PLEKHA7: variants seen among roughly 807,000 people sequenced by gnomAD.
The protein encoded by PLEKHA7 is pleckstrin homology domain-containing family A member 7.
In PLEKHA7, 104 loss-of-function variants were observed where a neutral mutation model predicts 170.0. The observed-to-expected ratio is 0.61, with a 90% CI of 0.52 to 0.72. PLEKHA7 has a LOEUF of 0.72. Ranked by LOEUF, PLEKHA7 falls within the 30% of genes least tolerant of loss-of-function variation. PLEKHA7 has a pLI of 0.00. For synonymous variants in PLEKHA7, 648 were observed against 660.8 expected (o/e 0.98, Z 0.30); for missense variants, 1,615 against 1,671.7 (o/e 0.97, Z 0.59).
Position 16,786,101 on chromosome 11 carries a change from C to T in PLEKHA7, c.3516+128G>A, listed in dbSNP as rs1451095074. Reference sequence around the variant, plus strand: ...TGCCTTAAGCTGCTATCCATCCATCCTCCTAGGCCACACTGAAGCTGAGCC... The same window carrying T: ...TGCCTTAAGCTGCTATCCATCCATCTTCCTAGGCCACACTGAAGCTGAGCC... On this transcript the variant is annotated intron_variant, in intron 24 of 26. Coordinates refer to ENST00000531066, the MANE Select transcript of PLEKHA7 (RefSeq NM_001329630.2). The T allele has an allele frequency of 1.3e-5, 14 of 1,115,196 alleles. No homozygotes were observed. The South Asian group carries it at 2.1e-4, about 17-fold the overall frequency. 69.1% of individuals were successfully genotyped at this position (1,115,196 alleles called of 1,614,324 possible).
At chr11:17,002,225 C>A (rs61881292) in intron 3 of PLEKHA7, among the ~76,000 whole-genome samples, 2,053 of 152,250 alleles carry the variant, frequency 0.013, 29 homozygotes, top group Non-Finnish European at 0.019. Flanking sequence ...TGAGGGATAA[C>A]CCTAGAGGGA....
intron 13 of PLEKHA7, among the ~76,000 whole-genome samples, chr11:16,806,897 C>A (rs1412390462): frequency 1.3e-5 from 2 of 152,252 alleles, no homozygotes; most frequent in Non-Finnish European, 2.9e-5. Flanking sequence ...TGGTGGCAAG[C>A]CAGGCAAGCT....
At chr11:16,909,866 T>C (rs1408778253) in intron 3 of PLEKHA7, among the ~76,000 whole-genome samples, 2 of 152,198 alleles carry the variant, frequency 1.3e-5, no homozygotes, top group Non-Finnish European at 2.9e-5. Flanking sequence ...CTTTTTATAA[T>C]AGATCTGACA....
chr11:16,819,051 C>T (rs921553169), intron 10 of PLEKHA7, among the ~76,000 whole-genome samples: 1 of 151,750 alleles, frequency 6.6e-6, no homozygotes, highest in African/African-American at 2.4e-5. Context: ...GATCTGACCG[C>T]CTCGGCCTCC....
At chr11:16,974,940 T>C in intron 3 of PLEKHA7, 1 of 764,582 alleles carries the variant, frequency 1.3e-6, no homozygotes, top group Non-Finnish European at 1.6e-6. Context: ...CTTCTTGTAC[T>C]GTGTCACTTT....
intron 3 of PLEKHA7, among the ~76,000 whole-genome samples, chr11:16,945,832 A>T (rs750435076): frequency 2.0e-5 from 3 of 152,214 alleles, no homozygotes; most frequent in Non-Finnish European, 4.4e-5. Context: ...GGGCCCAAGA[A>T]GTGGGCCCGC....
chr11:16,818,916 G>A (rs1480783549), intron 10 of PLEKHA7, among the ~76,000 whole-genome samples: 1 of 151,300 alleles, frequency 6.6e-6, no homozygotes, highest in Non-Finnish European at 1.5e-5. Context: ...TGATTCTCCT[G>A]CCTCAGCCTC....
At chr11:16,870,616 C>A (rs558221218) in intron 4 of PLEKHA7, among the ~76,000 whole-genome samples, 50 of 146,258 alleles carry the variant, frequency 3.4e-4, no homozygotes, top group Admixed American at 2.8e-3. Flanking sequence ...GGTGACAAAG[C>A]CTGGGTGACA....
chr11:17,003,267 A>G (rs112859763), intron 3 of PLEKHA7, among the ~76,000 whole-genome samples: 1 of 152,304 alleles, frequency 6.6e-6, no homozygotes, highest in East Asian at 1.9e-4. Context: ...CTGGGATTAC[A>G]CATGTGAGCC....
intron 3 of PLEKHA7, among the ~76,000 whole-genome samples, chr11:16,889,400 C>CAAAAAAAAAAAAA (rs869268116): frequency 3.8e-5 from 2 of 52,730 alleles, no homozygotes; most frequent in African/African-American, 5.8e-5. Flanking sequence ...CTTTATTGCT[C>CAAAAAAAAAAAAA]AAAAAAAAAA....
intron 3 of PLEKHA7, among the ~76,000 whole-genome samples, chr11:16,943,664 G>C (rs1860835929): frequency 6.6e-6 from 1 of 152,190 alleles, no homozygotes. Flanking sequence ...ATAAATAAGA[G>C]TATTGATAAT....
At chr11:16,834,514 T>C (rs1848949042) in intron 9 of PLEKHA7, among the ~76,000 whole-genome samples, 1 of 152,146 alleles carries the variant, frequency 6.6e-6, no homozygotes, top group African/African-American at 2.4e-5. Context: ...GTGACTCTAC[T>C]ACAAGTTTCT....
intron 3 of PLEKHA7, among the ~76,000 whole-genome samples, chr11:16,933,672 T>G (rs1240842052): frequency 1.3e-5 from 2 of 152,210 alleles, no homozygotes; most frequent in African/African-American, 4.8e-5. Flanking sequence ...GACATGTTAG[T>G]TTGACATGTT....
chr11:16,837,852 C>T (rs747782915), intron 9 of PLEKHA7, among the ~76,000 whole-genome samples: 1 of 152,102 alleles, frequency 6.6e-6, no homozygotes, highest in South Asian at 2.1e-4. Flanking sequence ...TGAAAGTCCA[C>T]GATGGGGAGG....
At chr11:16,937,136 G>A (rs1159685937) in intron 3 of PLEKHA7, among the ~76,000 whole-genome samples, 1 of 152,158 alleles carries the variant, frequency 6.6e-6, no homozygotes, top group Non-Finnish European at 1.5e-5. Flanking sequence ...AATGAGCTTG[G>A]AGATGGCCAC....
At position 17,014,111 on chromosome 11, in the gene PLEKHA7, G is replaced by A. The variant is rs558230599; in HGVS notation, c.163+14C>T. On this transcript the variant is annotated intron_variant, in intron 2 of 26. Coordinates refer to ENST00000531066, the MANE Select transcript of PLEKHA7 (RefSeq NM_001329630.2). ...CCGCTGCGCGCGCCCCCCACCCGCC[G>A]GCCCGGCGCCCACCTGAGCGGATCA... is the stretch of plus-strand genomic sequence containing the variant. 4 of 1,596,604 alleles carry A rather than the reference G, an allele frequency of 2.5e-6. No individual in the cohort carries two copies. The highest frequency in any genetic ancestry group is 4.5e-5 in the East Asian group (2 of 44,128).
rs913944693 is a variant in PLEKHA7, at chr11:16,978,788, A to G, written c.221+35201T>C. Among the ~76,000 whole-genome samples, 4 of 152,198 alleles carry G rather than the reference A, an allele frequency of 2.6e-5. 1 individual carries two copies. On this transcript the variant is annotated intron_variant, in intron 3 of 26. Coordinates refer to ENST00000531066, the MANE Select transcript of PLEKHA7 (RefSeq NM_001329630.2). ...CTGCTGGGTGTCTGTACTTTTGACT[A>G]CCTCAATAAGCAATGAAATTATCCA...
intron 3 of PLEKHA7, among the ~76,000 whole-genome samples, chr11:16,963,901 A>G (rs1385580930): frequency 6.6e-6 from 1 of 152,224 alleles, no homozygotes; most frequent in Non-Finnish European, 1.5e-5. Flanking sequence ...TTGTGCAACC[A>G]ACGCCACTAT....
rs1415494744 is a variant in PLEKHA7 at position 16,793,011 on chromosome 11, G to C, written c.2745+1477C>G. Among the ~76,000 whole-genome samples the C allele has an allele frequency of 2.6e-5, 4 of 152,326 alleles. No homozygotes were observed. In the East Asian group the frequency reaches 7.7e-4, roughly 29 times the overall value. On this transcript the variant is annotated intron_variant, in intron 19 of 26. Transcript: ENST00000531066. The stretch of plus-strand genomic sequence containing the variant: ...CAAACACACATATATTCCTAGGAGA[G>C]AGGACCTCTCCTGGTGATCCTGATG...
Sources: gnomAD v4.1 joint callset for allele counts (sites outside exome capture counted in the v4.1 genomes callset) on GRCh38, gnomAD v4.1.1 for gene constraint, MANE v1.5 for transcripts, NCBI Gene and HGNC (gene_info 2026-07-23, HGNC 2026-07-21) for gene names.